SORCS2: variants seen among roughly 807,000 people sequenced by gnomAD.
SORCS2 encodes VPS10 domain-containing receptor SorCS2.
Under a neutral mutation model 141.6 loss-of-function variants are expected in SORCS2, and 100 were observed. The observed-to-expected ratio is 0.71, with a 90% CI of 0.60 to 0.83. The LOEUF is 0.83. SORCS2 is among the 40% of genes least tolerant of loss of function. SORCS2 has a pLI of 0.00. For missense variants in SORCS2, 1,646 were observed against 1,560.2 expected (o/e 1.05, Z -0.93); for synonymous variants, 789 against 676.9 (o/e 1.17, Z -2.57).
chr4:7,655,623 G>A (rs1046262770), intron 5 of SORCS2, among the ~76,000 whole-genome samples: 11 of 152,240 alleles, frequency 7.2e-5, no homozygotes, highest in Non-Finnish European at 1.3e-4. Context: ...GGCGACGGCC[G>A]TCTGTCTGCG....
In SORCS2 at chr4:7,446,428, A is replaced by T. The variant is rs572045321; in HGVS notation, c.548+50073A>T. ...TCAATATATGAATTTTAGGGGACAC[A>T]ATTCTACCCATAGGGTCATCATTGA... On this transcript the variant is annotated intron_variant, in intron 2 of 26. Coordinates refer to ENST00000507866, the MANE Select transcript of SORCS2 (RefSeq NM_020777.3). Among the ~76,000 whole-genome samples, 6 of 152,286 alleles carry T rather than the reference A, an allele frequency of 3.9e-5. No homozygotes were observed. In the South Asian group the frequency reaches 1.2e-3, roughly 32 times the overall value.
In SORCS2 at chr4:7,541,590, G is replaced by A. The variant is rs556921802; in HGVS notation, c.648+9961G>A. 1.7e-4 allele frequency among the ~76,000 whole-genome samples: 26 copies of A among 152,284 alleles called. No individual in the cohort carries two copies. The South Asian group carries it at 4.4e-3, about 25-fold the overall frequency. ...TGTGGCCAGGGCCTTGCTCGGGGGC[G>A]CCCAGGCAGCCAGGCCTCTCCCTCA... On this transcript the variant is annotated intron_variant, in intron 3 of 26. Transcript: ENST00000507866.
intron 3 of SORCS2, among the ~76,000 whole-genome samples, chr4:7,637,672 GT>G (rs1720354961): frequency 6.6e-6 from 1 of 152,076 alleles, no homozygotes; most frequent in Non-Finnish European, 1.5e-5. Context: ...TCCCTGGTGT[GT>G]GGGGGGGCCC....
At chr4:7,581,780 G>A (rs1341203781) in intron 3 of SORCS2, among the ~76,000 whole-genome samples, 1 of 152,178 alleles carries the variant, frequency 6.6e-6, no homozygotes, top group Non-Finnish European at 1.5e-5. Flanking sequence ...AACCCGTCCA[G>A]AGTCTGGATG....
At chr4:7,290,880 G>C (rs1464862328) in intron 1 of SORCS2, among the ~76,000 whole-genome samples, 1 of 152,122 alleles carries the variant, frequency 6.6e-6, no homozygotes, top group Non-Finnish European at 1.5e-5. Context: ...AGTGAGGAAT[G>C]GAGCAGACAT....
intron 2 of SORCS2, among the ~76,000 whole-genome samples, chr4:7,403,115 C>T (rs1321617469): frequency 6.6e-6 from 1 of 152,120 alleles, no homozygotes; most frequent in African/African-American, 2.4e-5. Context: ...GTTAGAATAG[C>T]AATTCTGATG....
chr4:7,601,073 A>G (rs2108792140), intron 3 of SORCS2, among the ~76,000 whole-genome samples: 1 of 152,266 alleles, frequency 6.6e-6, no homozygotes, highest in South Asian at 2.1e-4. Flanking sequence ...TTTAGCAGGA[A>G]CAGGGTTTCG....
chr4:7,200,396 C>A (rs1727425154), intron 1 of SORCS2, among the ~76,000 whole-genome samples: 1 of 152,140 alleles, frequency 6.6e-6, no homozygotes, highest in African/African-American at 2.4e-5. Flanking sequence ...CTCAGCTGGG[C>A]ACTCACTCCT....
intron 2 of SORCS2, among the ~76,000 whole-genome samples, chr4:7,488,025 C>G (rs1460145207): frequency 6.6e-6 from 1 of 152,174 alleles, no homozygotes; most frequent in Non-Finnish European, 1.5e-5. Flanking sequence ...GAGCGTAGCC[C>G]TGCGATGGCC....
intron 5 of SORCS2, among the ~76,000 whole-genome samples, chr4:7,654,911 C>T (rs1411523209): frequency 6.6e-6 from 1 of 152,166 alleles, no homozygotes; most frequent in African/African-American, 2.4e-5. Context: ...CGAGTGCATC[C>T]TCAGGGGAGC....
rs140912252 is a variant in SORCS2 at position 7,391,185 on chromosome 4, C to G, written c.481-5103C>G. Among the ~76,000 whole-genome samples, 446 of 152,336 alleles carry G rather than the reference C, an allele frequency of 2.9e-3. 2 individuals carry two copies. The highest frequency in any genetic ancestry group is 0.01 in the African/African-American group (422 of 41,580). ...AGAAGTGCCCACTCTGCCAGGGCCA[C>G]CTGGTAAGGACAGCATTGACCTCCC... On this transcript the variant is annotated intron_variant, in intron 1 of 26. Coordinates refer to ENST00000507866, the MANE Select transcript of SORCS2 (RefSeq NM_020777.3).
chr4:7,504,859 G>A (rs1032208908), intron 2 of SORCS2, among the ~76,000 whole-genome samples: 7 of 152,178 alleles, frequency 4.6e-5, no homozygotes, highest in African/African-American at 1.4e-4. Flanking sequence ...GACTGTTGGG[G>A]GCCACAAAAG....
At position 7,689,546 on chromosome 4, in the gene SORCS2, G is replaced by A. The variant is rs199826541; in HGVS notation, c.1549G>A (p.Val517Met). 3.2e-5 allele frequency: 51 copies of A among 1,606,628 alleles called. 1 individual carries two copies. The highest frequency in any genetic ancestry group is 2.2e-4 in the East Asian group (10 of 44,592). Residue 517 changes from valine to methionine, a missense_variant, in exon 11 of 27, where the codon GTG becomes ATG. By Grantham distance (21) the Val-to-Met change is conservative. Transcript: ENST00000507866. ...WADNPYVSGT[V>M]HTKDTAPGLI... ...AGACAACCCCTACGTATCAGGCACC[G>A]TGCACACCAAGGACACCGCCCCAGG...
chr4:7,291,292 G>T (rs1188187791), intron 1 of SORCS2, among the ~76,000 whole-genome samples: 2 of 152,156 alleles, frequency 1.3e-5, no homozygotes, highest in Non-Finnish European at 2.9e-5. Flanking sequence ...CAGGGGTGTG[G>T]TCGTTTGCTT....
chr4:7,657,137 C>T (rs1414688342), intron 5 of SORCS2, among the ~76,000 whole-genome samples: 1 of 152,254 alleles, frequency 6.6e-6, no homozygotes, highest in African/African-American at 2.4e-5. Context: ...GCCACCTGTA[C>T]ACCGGTGTCT....
intron 2 of SORCS2, among the ~76,000 whole-genome samples, chr4:7,437,484 C>T (rs1727384921): frequency 6.6e-6 from 1 of 152,134 alleles, no homozygotes; most frequent in Admixed American, 6.5e-5. Context: ...GCCCCCACCC[C>T]TTCCCAGAGG....
intron 2 of SORCS2, among the ~76,000 whole-genome samples, chr4:7,448,500 C>CA (rs1275808383): frequency 6.8e-6 from 1 of 147,688 alleles, no homozygotes; most frequent in Non-Finnish European, 1.5e-5. Context: ...CCTTCCTTTC[C>CA]TTTCCATCTC....
intron 3 of SORCS2, among the ~76,000 whole-genome samples, chr4:7,576,892 C>T (rs866518115): frequency 2.6e-5 from 4 of 152,176 alleles, no homozygotes; most frequent in Admixed American, 2.0e-4. Context: ...CAGTTCTATT[C>T]AATTTTACCA....
At chr4:7,521,053 T>G (rs937829478) in intron 2 of SORCS2, among the ~76,000 whole-genome samples, 1 of 152,168 alleles carries the variant, frequency 6.6e-6, no homozygotes, top group Non-Finnish European at 1.5e-5. Flanking sequence ...GGCGAGTTAC[T>G]TAATGTTCCT....
Sources: gnomAD v4.1 joint callset for allele counts (sites outside exome capture counted in the v4.1 genomes callset) on GRCh38, gnomAD v4.1.1 for gene constraint, MANE v1.5 for transcripts, NCBI Gene and HGNC (gene_info 2026-07-23, HGNC 2026-07-21) for gene names.